FAM234A: variants seen among roughly 807,000 people sequenced by gnomAD.
The protein encoded by FAM234A is protein FAM234A.
A neutral mutation model predicts 49.1 loss-of-function variants in FAM234A; 42 were observed. That is an observed-to-expected ratio of 0.86 (90% CI 0.67 to 1.11). FAM234A has a LOEUF of 1.11. Among genes scored for constraint, FAM234A ranks in the 50% least tolerant of loss-of-function variants. FAM234A has a pLI of 0.00. For missense variants in FAM234A, 815 were observed against 745.2 expected, an observed-to-expected ratio of 1.09 and a Z score of -1.09; for synonymous variants, 369 against 316.2, an observed-to-expected ratio of 1.17 and a Z score of -1.77.
intron 3 of FAM234A, among the ~76,000 whole-genome samples, chr16:259,273 C>T (rs1232501070): frequency 1.3e-5 from 2 of 152,138 alleles, no homozygotes; most frequent in Non-Finnish European, 2.9e-5. Context: ...CTGCTTGTTC[C>T]TTTCTGAAGG....
chr16:234,891 C>T (rs1412148960), intron 1 of FAM234A, 34 bp downstream of exon 1: 2 of 151,880 alleles, frequency 1.3e-5, no homozygotes, highest in African/African-American at 4.9e-5. Flanking sequence ...CGCGCGTGCA[C>T]GCCGCAGGGG....
intron 1 of FAM234A, among the ~76,000 whole-genome samples, chr16:240,627 C>T (rs1332882155): frequency 1.3e-5 from 2 of 152,032 alleles, no homozygotes; most frequent in African/African-American, 4.8e-5. Context: ...CTCAGCCTCC[C>T]TAGTAGCTGG....
At chr16:263,488 G>T (rs746956464) in intron 9 of FAM234A, 86 bp downstream of exon 9, 1 of 1,546,040 alleles carries the variant, frequency 6.5e-7, no homozygotes, top group Non-Finnish European at 8.7e-7. Flanking sequence ...AGGAGACAGC[G>T]CTGGGGGTGG....
chr16:238,020 A>G (rs905394396), intron 1 of FAM234A, among the ~76,000 whole-genome samples: 4 of 130,960 alleles, frequency 3.1e-5, no homozygotes, highest in African/African-American at 1.2e-4. Context: ...ATTTATTTTT[A>G]TTTATTTATT....
At position 264,635 on chromosome 16, in the gene FAM234A, A is replaced by T. The variant is rs1202047640; in HGVS notation, c.1366A>T (p.Ser456Cys). 6.2e-7 allele frequency: 1 copy of T among 1,611,306 alleles called. No individual in the cohort carries two copies. Among genetic ancestry groups the T allele is most frequent in the Non-Finnish European group, 8.5e-7 (1 of 1,179,780 alleles). Residue 456 changes from serine (S) to cysteine (C), a missense_variant, in exon 12 of 13, where the codon AGC becomes TGC. Ser to Cys is a moderately radical substitution (Grantham distance 112). Transcript: ENST00000399932. ...SETETGEARH[S>C]LYMFHPTLPR... ...CCAGGAGACCGGGGAGGCCCGGCAC[A>T]GCCTGTACATGTTCCACCCCACCCT...
In FAM234A at chr16:264,104, C is replaced by T. The variant is rs370418122; in HGVS notation, c.1277C>T (p.Pro426Leu). The T allele has an allele frequency of 1.1e-5, 18 of 1,611,900 alleles. No individual in the cohort carries two copies. Among genetic ancestry groups the T allele is most frequent in the African/African-American group, 2.7e-5 (2 of 74,884 alleles). ...LPGGPLSASL[P>L]TADHRSAFFF... The stretch of plus-strand genomic sequence containing the variant: ...GGGGGTCCACTGTCCGCCAGCCTGC[C>T]GACCGCAGACCACCGCTCAGCCTTC... The change falls in exon 11 of 13, where the codon CCG (proline) becomes CTG (leucine). Residue 426 changes from proline (P) to leucine (L), a missense_variant. By Grantham distance (98) the Pro-to-Leu change is moderately conservative. Coordinates refer to ENST00000399932, the MANE Select transcript of FAM234A (RefSeq NM_032039.4).
At chr16:260,846 T>A in intron 5 of FAM234A, 1 of 361,522 alleles carries the variant, frequency 2.8e-6, no homozygotes, top group Non-Finnish European at 5.7e-6. Flanking sequence ...TGTATGTGCG[T>A]AAGGAGTTGG....
At chr16:239,614 CAA>C (rs534376069) in intron 1 of FAM234A, among the ~76,000 whole-genome samples, 18 of 102,314 alleles carry the variant, frequency 1.8e-4, no homozygotes, top group Admixed American at 2.1e-4. Flanking sequence ...GGCCCCGTCT[CAA>C]AAAAAAAAAA....
chr16:240,766 T>C (rs2050585912), intron 1 of FAM234A, among the ~76,000 whole-genome samples: 1 of 152,156 alleles, frequency 6.6e-6, no homozygotes, highest in Admixed American at 6.6e-5. Flanking sequence ...CCTCCTAAAG[T>C]GCTGAGATTA....
At chr16:264,583 G>A (rs1191291262) in intron 11 of FAM234A, 31 bp from the exon 12 acceptor site, 3 of 1,442,718 alleles carry the variant, frequency 2.1e-6, no homozygotes, top group Admixed American at 1.7e-5. Context: ...TCAGTGAAGG[G>A]CGTGGGGCCC....
chr16:251,369 GTTTT>G (rs555351523), intron 2 of FAM234A, among the ~76,000 whole-genome samples: 2 of 150,988 alleles, frequency 1.3e-5, no homozygotes, highest in Admixed American at 6.6e-5. Flanking sequence ...CTGCAGTAGG[GTTTT>G]TTTTTGTTTT....
chr16:235,511 A>T (rs2050368807), intron 1 of FAM234A, among the ~76,000 whole-genome samples: 1 of 152,216 alleles, frequency 6.6e-6, no homozygotes, highest in African/African-American at 2.4e-5. Context: ...TGTCAAGGAG[A>T]GAGTTTGCCC....
rs1049882856 is a variant in FAM234A at position 265,405 on chromosome 16, G to A, written c.*383G>A. 44 of 1,025,186 alleles carry A rather than the reference G, an allele frequency of 4.3e-5. No homozygotes were observed. Among genetic ancestry groups the A allele is most frequent in the African/African-American group, 1.0e-4 (6 of 58,668 alleles). The allele number at this position is 1,025,186 out of a possible 1,614,324, so 63.5% of individuals were successfully genotyped here. ...TGCCAGCTTCTCCCCAGGCCAGAGCGGCCATCGCGTAGAAAGAACCAGGGT... is the reference window on the plus strand; with the variant it reads ...TGCCAGCTTCTCCCCAGGCCAGAGCAGCCATCGCGTAGAAAGAACCAGGGT... On this transcript the variant is annotated 3_prime_UTR_variant, in exon 13 of 13. Transcript: ENST00000399932.
At chr16:256,425 A>G (rs2051235183) in intron 3 of FAM234A, among the ~76,000 whole-genome samples, 1 of 152,120 alleles carries the variant, frequency 6.6e-6, no homozygotes, top group African/African-American at 2.4e-5. Context: ...GTGACTGAAA[A>G]TGTTGGGTCC....
chr16:243,931 C>T (rs1463043663), intron 1 of FAM234A, among the ~76,000 whole-genome samples: 1 of 151,982 alleles, frequency 6.6e-6, no homozygotes, highest in African/African-American at 2.4e-5. Context: ...GTTATAAATG[C>T]TGTGCATATC....
chr16:260,624 C>T (rs765955089), intron 5 of FAM234A: 101 of 473,074 alleles, frequency 2.1e-4, no homozygotes, highest in Non-Finnish European at 3.8e-4. Context: ...CGTGGAAGGA[C>T]GAGGGAAAGA....
At chr16:241,980 T>C (rs1408004030) in intron 1 of FAM234A, among the ~76,000 whole-genome samples, 2 of 152,100 alleles carry the variant, frequency 1.3e-5, no homozygotes, top group Non-Finnish European at 2.9e-5. Context: ...TCAGTAAACT[T>C]CTTAGAGAAA....
chr16:248,758 C>T (rs1237082172), intron 1 of FAM234A, among the ~76,000 whole-genome samples: 1 of 151,660 alleles, frequency 6.6e-6, no homozygotes, highest in African/African-American at 2.4e-5. Flanking sequence ...GTAGTTGGGA[C>T]TATAGGTGCC....
intron 3 of FAM234A, among the ~76,000 whole-genome samples, 185 bp downstream of exon 3, chr16:254,866 T>C (rs1425652194): frequency 6.6e-6 from 1 of 152,226 alleles, no homozygotes; most frequent in Non-Finnish European, 1.5e-5. Context: ...CCAGCCTTTT[T>C]ATTTTTGAGA....
Sources: gnomAD v4.1 joint callset for allele counts (sites outside exome capture counted in the v4.1 genomes callset) on GRCh38, gnomAD v4.1.1 for gene constraint, MANE v1.5 for transcripts, NCBI Gene and HGNC (gene_info 2026-07-23, HGNC 2026-07-21) for gene names.